The following SEC22C variants were observed in gnomAD, a reference collection of about 807,000 sequenced individuals.
SEC22C encodes the protein vesicle-trafficking protein SEC22c.
SEC22C carries 29 observed loss-of-function variants against 34.7 expected under a neutral mutation model. The observed-to-expected ratio is 0.84, with a 90% CI of 0.62 to 1.14. The LOEUF (loss-of-function observed/expected upper bound fraction) is 1.14. SEC22C is among the 50% of genes most tolerant of loss of function. SEC22C has a pLI of 0.00. For missense variants in SEC22C, 337 were observed against 369.0 expected, an observed-to-expected ratio of 0.91 and a Z score of 0.71; for synonymous variants, 117 against 132.8, an observed-to-expected ratio of 0.88 and a Z score of 0.82.
chr3:42,556,124 C>CA, intron 5 of SEC22C, 129 bp from the exon 6 acceptor site: 1 of 680,762 alleles, frequency 1.5e-6, no homozygotes, highest in Non-Finnish European at 2.5e-6. Flanking sequence ...GGGTGAGACA[C>CA]AAGTTCCTGT....
At position 42,553,073 on chromosome 3, in the gene SEC22C, G is replaced by A; in HGVS notation, c.*175C>T. The stretch of plus-strand genomic sequence containing the variant: ...ATGCTTGGCACAGAACCAAGGCTGG[G>A]TATCAAGCAACCTCATGACTTCCAC... On this transcript the variant is annotated 3_prime_UTR_variant, in exon 7 of 7. Transcript: ENST00000264454. 1 of 1,435,572 alleles carries A rather than the reference G, an allele frequency of 7.0e-7. No homozygotes were observed. Among genetic ancestry groups the A allele is most frequent in the East Asian group, 2.5e-5 (1 of 39,878 alleles). The allele number at this position is 1,435,572 out of a possible 1,614,324, so 88.9% of individuals were successfully genotyped here. A position where few individuals can be genotyped will look rare whatever the true frequency, so the allele number is the denominator to read the frequency against.
intron 4 of SEC22C, among the ~76,000 whole-genome samples, chr3:42,559,854 C>CAA (rs1167917536): frequency 2.0e-5 from 3 of 151,932 alleles, no homozygotes; most frequent in Non-Finnish European, 4.4e-5. Context: ...ACATTAATGA[C>CAA]AAAGGCATGG....
At chr3:42,586,734 A>G (rs776685063), upstream of SEC22C, among the ~76,000 whole-genome samples, 2 of 152,154 alleles carry the variant, frequency 1.3e-5, no homozygotes, top group South Asian at 2.1e-4. Flanking sequence ...CTTATCCACT[A>G]CATAGTTCCA....
chr3:42,555,939 G>A lies in SEC22C; in HGVS notation c.702C>T (p.Cys234=). The A allele has an allele frequency of 6.2e-7, 1 of 1,613,218 alleles. No individual in the cohort carries two copies. Among genetic ancestry groups the A allele is most frequent in the Non-Finnish European group, 8.5e-7 (1 of 1,179,334 alleles). Residue 234 remains cysteine, a synonymous_variant, in exon 6 of 7, where the codon TGC becomes TGT. Coordinates refer to ENST00000264454, the MANE Select transcript of SEC22C (RefSeq NM_032970.4). ...ATATCGTTTCACCCACCTGGAAAAT[G>A]CAGGCTACGAAAGGAACAAGAAAAG... ...ILAFLVPFVA[C]IFQCYLYLFY...
At chr3:42,595,801 A>G (rs1198946169) in intron 1 of SEC22C, among the ~76,000 whole-genome samples, 2 of 152,198 alleles carry the variant, frequency 1.3e-5, no homozygotes, top group African/African-American at 4.8e-5. Flanking sequence ...AATAGTGAAG[A>G]GATAACTCAT....
chr3:42,563,832 A>T, intron 2 of SEC22C, 146 bp from the exon 3 acceptor site: 1 of 1,525,068 alleles, frequency 6.6e-7, no homozygotes, highest in Non-Finnish European at 8.8e-7. Flanking sequence ...TTGTCTCTTC[A>T]GTTCGACCTA....
intron 1 of SEC22C, among the ~76,000 whole-genome samples, chr3:42,572,138 CTTATT>C (rs965278840): frequency 6.7e-6 from 1 of 148,454 alleles, no homozygotes; most frequent in Admixed American, 6.8e-5. Flanking sequence ...TTTGTTTTTT[CTTATT>C]TGTTTGTTTG....
Position 42,553,449 on chromosome 3 carries a change from C to T in SEC22C, c.712-1G>A. On this transcript the variant is annotated splice_acceptor_variant, in intron 6 of 6. Transcript: ENST00000264454. LOFTEE classifies it high-confidence loss of function. ...GACTGTAGAACAGGTACAAATAACA[C>T]TGAAATGAGACCAGAAGAGGAATTC... 6.2e-7 allele frequency: 1 copy of T among 1,613,214 alleles called. No homozygotes were observed.
At chr3:42,556,098 T>C in intron 5 of SEC22C, 103 bp from the exon 6 acceptor site, 1 of 834,090 alleles carries the variant, frequency 1.2e-6, no homozygotes, top group Non-Finnish European at 1.9e-6. Flanking sequence ...TGGTTGACAG[T>C]ACAAAATCCC....
intron 1 of SEC22C, among the ~76,000 whole-genome samples, chr3:42,570,280 C>T (rs907685925): frequency 2.6e-5 from 4 of 152,180 alleles, no homozygotes; most frequent in African/African-American, 9.7e-5. Context: ...AAATCAAAGA[C>T]TGTCTCAAAT....
At chr3:42,554,999 A>C (rs530842098) in intron 6 of SEC22C, among the ~76,000 whole-genome samples, 149 of 151,818 alleles carry the variant, frequency 9.8e-4, no homozygotes, top group South Asian at 2.9e-3. Flanking sequence ...ACAACAACAA[A>C]AAAATCAGCA....
chr3:42,576,532 G>A (rs1200314880), intron 1 of SEC22C, among the ~76,000 whole-genome samples: 1 of 151,834 alleles, frequency 6.6e-6, no homozygotes, highest in East Asian at 1.9e-4. Context: ...TATCAATAAA[G>A]CTATAATTTT....
chr3:42,585,420 G>A (rs943856710), upstream of SEC22C, among the ~76,000 whole-genome samples: 2 of 152,290 alleles, frequency 1.3e-5, no homozygotes, highest in East Asian at 3.9e-4. Context: ...CTGGACCACA[G>A]AAGAGCTCCA....
At chr3:42,598,916 T>G (rs1260447296) in intron 1 of SEC22C, among the ~76,000 whole-genome samples, 9 of 132,108 alleles carry the variant, frequency 6.8e-5, no homozygotes, top group Admixed American at 5.0e-4. Flanking sequence ...TGTGTATATA[T>G]ATCTATAGAT....
At position 42,548,359 on chromosome 3, in the gene SEC22C, A is replaced by G. The variant is rs1439509478; in HGVS notation, c.*4889T>C. 5.7e-6 allele frequency: 3 copies of G among 529,988 alleles called. No homozygotes were observed. The Admixed American group carries it at 9.2e-5, about 16-fold the overall frequency. 32.8% of individuals were successfully genotyped at this position (529,988 alleles called of 1,614,324 possible). A position where few individuals can be genotyped will look rare whatever the true frequency, so the allele number is the denominator to read the frequency against. Reference sequence around the variant, plus strand: ...CATATAAATGTAAGGGTTAAAGGTCATATGTACTAAGCATGGGTCAGAGGA... The same window carrying G: ...CATATAAATGTAAGGGTTAAAGGTCGTATGTACTAAGCATGGGTCAGAGGA... On this transcript the variant is annotated 3_prime_UTR_variant, in exon 7 of 7. Coordinates refer to ENST00000264454, the MANE Select transcript of SEC22C (RefSeq NM_032970.4).
At chr3:42,571,571 C>T (rs1273845893) in intron 1 of SEC22C, among the ~76,000 whole-genome samples, 1 of 152,074 alleles carries the variant, frequency 6.6e-6, no homozygotes, top group Non-Finnish European at 1.5e-5. Context: ...CATTATTTTC[C>T]TTTGTAAAAA....
Position 42,561,156 on chromosome 3 carries a change from C to G in SEC22C, c.487G>C (p.Gly163Arg). The G allele has an allele frequency of 3.7e-6, 6 of 1,614,172 alleles. No homozygotes were observed. The highest frequency in any genetic ancestry group is 4.2e-6 in the Non-Finnish European group (5 of 1,180,048). Residue 163 changes from glycine (G) to arginine (R), a missense_variant, in exon 4 of 7, where the codon GGG becomes CGG. Coordinates refer to ENST00000264454, the MANE Select transcript of SEC22C (RefSeq NM_032970.4). ...ATCGGTGTGTGACCATTCATCACCC[C>G]ATTTGCCACATCTGTGTCCTCCAGA... ...LTLEDTDVAN[G>R]VMNGHTPMHL... is the part of the protein sequence containing the mutation.
chr3:42,583,906 CCA>C (rs1704520045), upstream of SEC22C, among the ~76,000 whole-genome samples: 1 of 152,208 alleles, frequency 6.6e-6, no homozygotes, highest in South Asian at 2.1e-4. Context: ...AAGACTTGTA[CCA>C]GTGGTTCCCC....
chr3:42,553,917 T>G (rs1202494782), intron 6 of SEC22C, among the ~76,000 whole-genome samples: 1 of 152,134 alleles, frequency 6.6e-6, no homozygotes, highest in Non-Finnish European at 1.5e-5. Context: ...ACGACTACAT[T>G]GAGCACCACT....
Sources: gnomAD v4.1 joint callset for allele counts (sites outside exome capture counted in the v4.1 genomes callset) on GRCh38, gnomAD v4.1.1 for gene constraint, MANE v1.5 for transcripts, NCBI Gene and HGNC (gene_info 2026-07-23, HGNC 2026-07-21) for gene names.